The following RESF1 variants were observed in gnomAD, a reference collection of about 807,000 sequenced individuals.
The protein encoded by RESF1 is gonad expressed transcript.
In RESF1, 65 loss-of-function variants were observed where a neutral mutation model predicts 134.7. The ratio of observed to expected loss-of-function variants is 0.48; its 90% CI spans 0.40 to 0.59. RESF1 has a LOEUF of 0.59. RESF1 is among the 20% of genes least tolerant of loss of function. RESF1 has a pLI of 0.00. For synonymous variants in RESF1, 762 were observed against 702.2 expected (o/e 1.09, Z -1.35); for missense variants, 2,274 against 2,002.7 (o/e 1.14, Z -2.59).
At chr12:31,967,590 C>T (rs887021220) in intron 2 of RESF1, among the ~76,000 whole-genome samples, 1 of 151,962 alleles carries the variant, frequency 6.6e-6, no homozygotes, top group African/African-American at 2.4e-5. Flanking sequence ...TTTAATGTGC[C>T]GTGGGAGGGG....
Position 31,983,717 on chromosome 12 carries a change from T to C in RESF1, c.2762T>C (p.Val921Ala). ...KIFSSLPLKMVEPQKPSLPNQ... is the reference protein window; with the variant it reads ...KIFSSLPLKMAEPQKPSLPNQ... ...TTCAGCTCTCTTCCCTTGAAAATGG[T>C]TGAGCCACAGAAACCTTCTCTACCC... Residue 921 changes from valine to alanine, a missense_variant, in exon 4 of 6, where the codon GTT becomes GCT. Val to Ala is a moderately conservative substitution (Grantham distance 64). Transcript: ENST00000312561. The C allele has an allele frequency of 6.2e-7, 1 of 1,613,868 alleles. No individual in the cohort carries two copies. Among genetic ancestry groups the C allele is most frequent in the Non-Finnish European group, 8.5e-7 (1 of 1,180,016 alleles).
At position 31,983,991 on chromosome 12, in the gene RESF1, G is replaced by T. The variant is rs755000740; in HGVS notation, c.3036G>T (p.Ser1012=). 1 of 1,613,794 alleles carries T rather than the reference G, an allele frequency of 6.2e-7. No individual in the cohort carries two copies. Among genetic ancestry groups the T allele is most frequent in the African/African-American group, 1.3e-5 (1 of 74,876 alleles). ...TEKSTANDTC[S]SAAIQEDIYP... is the part of the protein sequence containing the mutation. ...AAAGCACAGCTAACGATACGTGCTC[G>T]TCAGCTGCTATTCAGGAGGATATTT... is the stretch of plus-strand genomic sequence containing the variant. The change falls in exon 4 of 6, where the codon TCG becomes TCT. Residue 1012 remains serine (S), a synonymous_variant. Transcript: ENST00000312561.
chr12:31,982,601 C>T lies in RESF1; in HGVS notation c.1646C>T (p.Thr549Ile). The T allele has an allele frequency of 6.2e-7, 1 of 1,613,962 alleles. No individual in the cohort carries two copies. The highest frequency in any genetic ancestry group is 8.5e-7 in the Non-Finnish European group (1 of 1,180,020). The change falls in exon 4 of 6, where the codon ACC becomes ATC. Residue 549 changes from threonine (T) to isoleucine (I), a missense_variant. Thr to Ile is a moderately conservative substitution (Grantham distance 89, BLOSUM62 -1). Coordinates refer to ENST00000312561, the MANE Select transcript of RESF1 (RefSeq NM_018169.4). ...ACTCAGCTTTCATCAGAAAATGTTA[C>T]CAAAGTTGAGCAAAATTCACCAGCA... ...LNTQLSSENVTKVEQNSPAVC... is the reference protein window; with the variant it reads ...LNTQLSSENVIKVEQNSPAVC...
At chr12:31,962,248 A>G (rs1047903440) in intron 2 of RESF1, among the ~76,000 whole-genome samples, 3 of 150,806 alleles carry the variant, frequency 2.0e-5, no homozygotes, top group Non-Finnish European at 3.0e-5. Context: ...AGCATTTGTG[A>G]AGGTGAATTT....
intron 3 of RESF1, among the ~76,000 whole-genome samples, chr12:31,980,625 A>T (rs1939760118): frequency 6.6e-6 from 1 of 152,246 alleles, no homozygotes; most frequent in Non-Finnish European, 1.5e-5. Context: ...TAAAAACAGA[A>T]GGTGATTGGC....
chr12:31,984,614 G>T lies in RESF1; in HGVS notation c.3659G>T (p.Arg1220Ile). 1 of 1,576,162 alleles carries T rather than the reference G, an allele frequency of 6.3e-7. No individual in the cohort carries two copies. The highest frequency in any genetic ancestry group is 8.6e-7 in the Non-Finnish European group (1 of 1,166,410). ...ACCAACAGTTGTAAACAAGGAGAGA[G>T]AACTTCTGATAGAGATGTCACTGTT... ...LDTNSCKQGERTSDRDVTVVQ... is the reference protein window; with the variant it reads ...LDTNSCKQGEITSDRDVTVVQ... Residue 1220 changes from arginine (R) to isoleucine (I), a missense_variant, in exon 4 of 6, where the codon AGA becomes ATA. Transcript: ENST00000312561.
chr12:31,981,775 G>A lies in RESF1; in HGVS notation c.820G>A (p.Asp274Asn), dbSNP rs1265763197. ...VPSQQYATQTDKRPPPPPYNC... is the reference protein window; with the variant it reads ...VPSQQYATQTNKRPPPPPYNC... Reference sequence around the variant, plus strand: ...ATCACAGCAGTATGCCACGCAAACTGACAAAAGACCTCCTCCTCCTCCTTA... The same window carrying A: ...ATCACAGCAGTATGCCACGCAAACTAACAAAAGACCTCCTCCTCCTCCTTA... Residue 274 changes from aspartate to asparagine, a missense_variant, in exon 4 of 6, where the codon GAC (aspartate) becomes AAC (asparagine). Coordinates refer to ENST00000312561, the MANE Select transcript of RESF1 (RefSeq NM_018169.4). 1 of 1,613,838 alleles carries A rather than the reference G, an allele frequency of 6.2e-7. No individual in the cohort carries two copies. The highest frequency in any genetic ancestry group is 1.1e-5 in the South Asian group (1 of 91,074).
intron 3 of RESF1, among the ~76,000 whole-genome samples, chr12:31,975,531 C>G (rs1939614618): frequency 6.6e-6 from 1 of 152,142 alleles, no homozygotes; most frequent in African/African-American, 2.4e-5. Flanking sequence ...CAAAACATAC[C>G]TAAGAAAGGG....
At chr12:31,966,764 CT>C (rs1314885855) in intron 2 of RESF1, among the ~76,000 whole-genome samples, 2 of 152,144 alleles carry the variant, frequency 1.3e-5, no homozygotes, top group Non-Finnish European at 2.9e-5. Flanking sequence ...ATTGCAGGCA[CT>C]TTTTAATCCA....
At chr12:31,976,883 G>A (rs931936831) in intron 3 of RESF1, among the ~76,000 whole-genome samples, 15 of 152,138 alleles carry the variant, frequency 9.9e-5, no homozygotes, top group South Asian at 4.1e-4. Context: ...TCAAAGCCAC[G>A]TTCAAGGATC....
At chr12:31,991,098 C>G (rs1165905701) in intron 5 of RESF1, among the ~76,000 whole-genome samples, 3 of 151,506 alleles carry the variant, frequency 2.0e-5, no homozygotes, top group Non-Finnish European at 4.4e-5. Flanking sequence ...GCTTGGCAGA[C>G]TGAGGAAGGA....
intron 3 of RESF1, 133 bp from the exon 4 acceptor site, chr12:31,980,742 GCTC>G: frequency 2.1e-6 from 1 of 475,786 alleles, no homozygotes; most frequent in Non-Finnish European, 3.7e-6. Context: ...ATCCTCTATT[GCTC>G]CTCTTCTTCC....
chr12:31,983,586 G>A lies in RESF1; in HGVS notation c.2631G>A (p.Gln877=), dbSNP rs1169873045. 6.2e-7 allele frequency: 1 copy of A among 1,614,028 alleles called. No individual in the cohort carries two copies. Among genetic ancestry groups the A allele is most frequent in the South Asian group, 1.1e-5 (1 of 91,064 alleles). ...CTATGAACGATCAGCAAATCTCACAGGAGTCAAGGAATAGTACTGTTGTGA... is the reference window on the plus strand; with the variant it reads ...CTATGAACGATCAGCAAATCTCACAAGAGTCAAGGAATAGTACTGTTGTGA... ...HSPMNDQQIS[Q]ESRNSTVVSS... Residue 877 remains glutamine (Q), a synonymous_variant, in exon 4 of 6, where the codon CAG becomes CAA. Transcript: ENST00000312561.
chr12:31,968,541 T>A (rs1014452850), intron 2 of RESF1, among the ~76,000 whole-genome samples: 2 of 151,734 alleles, frequency 1.3e-5, no homozygotes, highest in South Asian at 4.2e-4. Flanking sequence ...CTCCGCCTCT[T>A]GGGTTCATGC....
Position 31,983,180 on chromosome 12 carries a change from T to C in RESF1, c.2225T>C (p.Met742Thr), listed in dbSNP as rs1939854228. The change falls in exon 4 of 6, where the codon ATG becomes ACG. Residue 742 changes from methionine to threonine, a missense_variant. Coordinates refer to ENST00000312561, the MANE Select transcript of RESF1 (RefSeq NM_018169.4). ...PSQQTALSMV[M>T]HNYESSGINI... ...CAGCAGACAGCTTTGTCGATGGTAATGCACAATTATGAGTCTTCAGGTATA... is the reference window on the plus strand; with the variant it reads ...CAGCAGACAGCTTTGTCGATGGTAACGCACAATTATGAGTCTTCAGGTATA... 3 of 1,611,212 alleles carry C rather than the reference T, an allele frequency of 1.9e-6. No individual in the cohort carries two copies. Among genetic ancestry groups the C allele is most frequent in the Middle Eastern group, 1.6e-4 (1 of 6,062 alleles).
In RESF1 at chr12:31,983,705, C is replaced by A. The variant is rs1939873119; in HGVS notation, c.2750C>A (p.Pro917His). The A allele has an allele frequency of 6.2e-7, 1 of 1,613,684 alleles. No individual in the cohort carries two copies. Among genetic ancestry groups the A allele is most frequent in the Non-Finnish European group, 8.5e-7 (1 of 1,180,022 alleles). Residue 917 changes from proline to histidine, a missense_variant, in exon 4 of 6, where the codon CCC (proline) becomes CAC (histidine). Transcript: ENST00000312561. ...ATAGCAAAGATATTCAGCTCTCTTC[C>A]CTTGAAAATGGTTGAGCCACAGAAA... Reference protein sequence around the residue: ...SQIAKIFSSLPLKMVEPQKPS... With the variant: ...SQIAKIFSSLHLKMVEPQKPS...
At chr12:31,960,233 A>G (rs1438244650) in intron 1 of RESF1, among the ~76,000 whole-genome samples, 2 of 152,188 alleles carry the variant, frequency 1.3e-5, no homozygotes, top group African/African-American at 2.4e-5. Flanking sequence ...CTTTCGGGGA[A>G]TCATTTCCGT....
intron 3 of RESF1, among the ~76,000 whole-genome samples, chr12:31,975,247 A>T (rs528504442): frequency 1.3e-5 from 2 of 152,292 alleles, no homozygotes; most frequent in Non-Finnish European, 2.9e-5. Context: ...CCTGGGCGAC[A>T]GAGCGAGACT....
chr12:31,974,595 C>T (rs1193168143), intron 3 of RESF1, among the ~76,000 whole-genome samples: 1 of 151,966 alleles, frequency 6.6e-6, no homozygotes, highest in Non-Finnish European at 1.5e-5. Flanking sequence ...GATTAGAGCC[C>T]CACTCTAATG....
Sources: allele counts gnomAD v4.1 joint callset (sites outside exome capture counted in the v4.1 genomes callset), GRCh38; gene constraint gnomAD v4.1.1; transcripts MANE v1.5; gene names NCBI Gene and HGNC (gene_info 2026-07-23, HGNC 2026-07-21).